The following ALK variants were observed in gnomAD, a reference collection of about 807,000 sequenced individuals.
ALK encodes the protein ALK tyrosine kinase receptor.
ALK carries 74 observed loss-of-function variants against 163.1 expected under a neutral mutation model. The observed-to-expected ratio is 0.45, with a 90% CI of 0.38 to 0.55. The LOEUF (loss-of-function observed/expected upper bound fraction) is 0.55. Among genes scored for constraint, ALK ranks in the 20% least tolerant of loss-of-function variants. The probability of loss-of-function intolerance (pLI) is 0.00; values close to 1 mark genes in which losing one functional copy is unlikely to be tolerated. For missense variants in ALK, 2,063 were observed against 2,105.3 expected (o/e 0.98, Z 0.39); for synonymous variants, 960 against 843.2 (o/e 1.14, Z -2.40).
At chr2:29,566,837 C>G (rs112851491) in intron 3 of ALK, among the ~76,000 whole-genome samples, 1,759 of 151,982 alleles carry the variant, frequency 0.012, 12 homozygotes, top group Middle Eastern at 0.055. Context: ...GGGAGATGAT[C>G]ATCATATATA....
intron 3 of ALK, among the ~76,000 whole-genome samples, chr2:29,615,095 A>G (rs922613948): frequency 6.6e-6 from 1 of 152,188 alleles, no homozygotes; most frequent in African/African-American, 2.4e-5. Flanking sequence ...CTGGGCCTGC[A>G]GGCTTGAGCC....
intron 4 of ALK, among the ~76,000 whole-genome samples, chr2:29,443,398 A>G (rs781076581): frequency 2.0e-5 from 3 of 152,230 alleles, no homozygotes; most frequent in Non-Finnish European, 4.4e-5. Flanking sequence ...CTGGATCTTT[A>G]GAGCTGTTCT....
At chr2:29,353,059 T>C (rs777838572) in intron 5 of ALK, among the ~76,000 whole-genome samples, 1 of 152,230 alleles carries the variant, frequency 6.6e-6, no homozygotes, top group African/African-American at 2.4e-5. Context: ...GCTACAAGAT[T>C]AGAAATTATT....
chr2:29,720,931 C>T (rs1368199474), intron 1 of ALK, among the ~76,000 whole-genome samples: 2 of 152,086 alleles, frequency 1.3e-5, no homozygotes, highest in Non-Finnish European at 2.9e-5. Flanking sequence ...GGTATGAATG[C>T]AGACCAACTG....
intron 4 of ALK, among the ~76,000 whole-genome samples, chr2:29,404,087 T>C (rs1391486939): frequency 6.6e-6 from 1 of 152,118 alleles, no homozygotes; most frequent in Non-Finnish European, 1.5e-5. Context: ...GTGGATCGTC[T>C]GAGGTTAAGA....
At chr2:29,675,264 T>C (rs1677838378) in intron 3 of ALK, among the ~76,000 whole-genome samples, 2 of 152,090 alleles carry the variant, frequency 1.3e-5, no homozygotes. Context: ...GTAATTAAAT[T>C]TTTTATGGAT....
At chr2:29,848,937 T>C (rs140307895) in intron 1 of ALK, among the ~76,000 whole-genome samples, 3 of 152,282 alleles carry the variant, frequency 2.0e-5, no homozygotes, top group African/African-American at 4.8e-5. Flanking sequence ...CGTGGACTGA[T>C]TGGCCACAAT....
Position 29,546,829 on chromosome 2 carries a change from C to T in ALK, c.953-14713G>A, listed in dbSNP as rs146694834. On this transcript the variant is annotated intron_variant, in intron 3 of 28. Coordinates refer to ENST00000389048, the MANE Select transcript of ALK (RefSeq NM_004304.5). ...TTTTTGCCCATTTCCTTGCAGGAGTCTCATAAAATCTCAACCTTATTATAA... is the reference window on the plus strand; with the variant it reads ...TTTTTGCCCATTTCCTTGCAGGAGTTTCATAAAATCTCAACCTTATTATAA... 2.0e-5 allele frequency among the ~76,000 whole-genome samples: 3 copies of T among 152,230 alleles called. No individual in the cohort carries two copies. The East Asian group carries it at 5.8e-4, about 29-fold the overall frequency.
intron 1 of ALK, among the ~76,000 whole-genome samples, chr2:29,848,903 G>A (rs758100980): frequency 3.3e-5 from 5 of 152,162 alleles, no homozygotes; most frequent in African/African-American, 9.7e-5. Context: ...TCTAGAGTGC[G>A]AAATATTGAT....
intron 5 of ALK, among the ~76,000 whole-genome samples, chr2:29,366,120 G>A (rs1481377361): frequency 6.6e-6 from 1 of 152,072 alleles, no homozygotes; most frequent in African/African-American, 2.4e-5. Flanking sequence ...AGTCTAAAAA[G>A]CTAAACTTTG....
At chr2:29,886,023 C>T (rs996425489) in intron 1 of ALK, among the ~76,000 whole-genome samples, 4 of 152,132 alleles carry the variant, frequency 2.6e-5, no homozygotes, top group African/African-American at 7.2e-5. Flanking sequence ...ATAGCAAGAC[C>T]AACCCACCCT....
At chr2:29,753,323 G>A (rs115845586) in intron 1 of ALK, among the ~76,000 whole-genome samples, 2,168 of 152,288 alleles carry the variant, frequency 0.014, 49 homozygotes, top group African/African-American at 0.049. Context: ...TTTCTCTGCC[G>A]GAGGCTCCGC....
chr2:29,880,836 T>C (rs1402835968), intron 1 of ALK, among the ~76,000 whole-genome samples: 1 of 152,214 alleles, frequency 6.6e-6, no homozygotes, highest in Non-Finnish European at 1.5e-5. Context: ...AGCAAGGTTT[T>C]GTGGCCACTT....
chr2:29,227,520 T>G lies in ALK; in HGVS notation c.2914+54A>C. ...GGTCAGAGACTCTGAGGTTTTAGCT[T>G]GGTGGGAGGACTGACCTAAGCAAGT... On this transcript the variant is annotated intron_variant, in intron 17 of 28. Coordinates refer to ENST00000389048, the MANE Select transcript of ALK (RefSeq NM_004304.5). This position sits in a 1 kb window ranked among gnomAD's most constrained non-coding sequence, Gnocchi z 4.4. The G allele has an allele frequency of 7.0e-7, 1 of 1,436,314 alleles. No homozygotes were observed. Among genetic ancestry groups the G allele is most frequent in the Admixed American group, 1.7e-5 (1 of 59,794 alleles). The allele number at this position is 1,436,314 out of a possible 1,614,324, so 89.0% of individuals were successfully genotyped here.
chr2:29,785,565 C>A (rs1245614427), intron 1 of ALK, among the ~76,000 whole-genome samples: 1 of 152,130 alleles, frequency 6.6e-6, no homozygotes, highest in Non-Finnish European at 1.5e-5. Flanking sequence ...CACAACCTTG[C>A]ATTAACAGAG....
intron 21 of ALK, 30 bp from the exon 22 acceptor site, chr2:29,222,438 G>A (rs745932805): frequency 6.8e-6 from 11 of 1,613,758 alleles, no homozygotes; most frequent in Middle Eastern, 1.6e-4. Flanking sequence ...GTGGGGAGGA[G>A]GAGGAGGCTG....
At chr2:29,783,252 C>G (rs1198453136) in intron 1 of ALK, among the ~76,000 whole-genome samples, 1 of 152,216 alleles carries the variant, frequency 6.6e-6, no homozygotes, top group Non-Finnish European at 1.5e-5. Context: ...TGACATTTAG[C>G]TTCGATGCTA....
rs571636175 is a variant in ALK at position 29,230,710 on chromosome 2, G to A, written c.2632+1594C>T. Among the ~76,000 whole-genome samples the A allele has an allele frequency of 4.9e-4, 74 of 152,272 alleles. 1 individual carries two copies. Among genetic ancestry groups the A allele is most frequent in the African/African-American group, 1.7e-3 (71 of 41,560 alleles). On this transcript the variant is annotated intron_variant, in intron 15 of 28. Coordinates refer to ENST00000389048, the MANE Select transcript of ALK (RefSeq NM_004304.5). ...CTTTGTTAGCCATGAAACCTCCAGG[G>A]GTGGGTGTTGAGCTTGGGTTTGTTT... is the stretch of plus-strand genomic sequence containing the variant.
At chr2:29,848,117 CA>C (rs1267552149) in intron 1 of ALK, among the ~76,000 whole-genome samples, 1 of 152,070 alleles carries the variant, frequency 6.6e-6, no homozygotes, top group East Asian at 1.9e-4. Flanking sequence ...CCTGGGGGAT[CA>C]GGGGCAGCGG....
Sources: gnomAD v4.1 joint callset for allele counts (sites outside exome capture counted in the v4.1 genomes callset) on GRCh38, gnomAD v4.1.1 for gene constraint, Gnocchi (gnomAD v3.1) non-coding constraint, MANE v1.5 for transcripts, NCBI Gene and HGNC (gene_info 2026-07-23, HGNC 2026-07-21) for gene names.